ZC3H7A: variants seen among roughly 807,000 people sequenced by gnomAD.
The protein encoded by ZC3H7A is zinc finger CCCH-type containing 7A.
In ZC3H7A, 44 loss-of-function variants were observed where a neutral mutation model predicts 125.5. That is an observed-to-expected ratio of 0.35 (90% CI 0.28 to 0.45). ZC3H7A has a LOEUF of 0.45. Ranked by LOEUF, ZC3H7A falls within the 20% of genes least tolerant of loss-of-function variation. The probability of loss-of-function intolerance (pLI) is 1.00; values close to 1 mark genes in which losing one functional copy is unlikely to be tolerated. For synonymous variants in ZC3H7A, 399 were observed against 391.2 expected, an observed-to-expected ratio of 1.02 and a Z score of -0.23; for missense variants, 977 against 1,170.7, an observed-to-expected ratio of 0.83 and a Z score of 2.41.
At chr16:11,769,784 CT>C (rs200241879) in intron 10 of ZC3H7A, among the ~76,000 whole-genome samples, 152 of 61,614 alleles carry the variant, frequency 2.5e-3, no homozygotes, top group Middle Eastern at 0.014. Context: ...CAATTGCTTT[CT>C]TTTTTTTTTT....
At chr16:11,795,812 GT>G (rs1377135677) in intron 1 of ZC3H7A, among the ~76,000 whole-genome samples, 1 of 152,048 alleles carries the variant, frequency 6.6e-6, no homozygotes, top group Non-Finnish European at 1.5e-5. Context: ...ATTAACTTTT[GT>G]TTTTTTATTT....
chr16:11,751,196 GGA>G lies in ZC3H7A; in HGVS notation c.*119_*120del, dbSNP rs2052547700. 9.1e-7 allele frequency: 1 copy of G among 1,100,358 alleles called. No homozygotes were observed. The highest frequency in any genetic ancestry group is 1.3e-6 in the Non-Finnish European group (1 of 794,930). The allele number at this position is 1,100,358 out of a possible 1,614,324, so 68.2% of individuals were successfully genotyped here. A position where few individuals can be genotyped will look rare whatever the true frequency, so the allele number is the denominator to read the frequency against. ...CCTACCTACTGTGGGTTGCTGCTCA[GGA>G]GGAACGATATACGCCAATACAAGCA... On this transcript the variant is annotated 3_prime_UTR_variant, in exon 23 of 23. Transcript: ENST00000355758.
At chr16:11,759,879 A>G (rs2270290) in intron 19 of ZC3H7A, 91,234 of 152,124 alleles carry the variant, frequency 0.6, 28,594 homozygotes, top group East Asian at 0.84. Context: ...TTGGGAGGCC[A>G]AGGCGGGTGG....
intron 15 of ZC3H7A, among the ~76,000 whole-genome samples, chr16:11,764,296 C>G (rs1376433590): frequency 1.3e-5 from 2 of 152,118 alleles, no homozygotes; most frequent in African/African-American, 4.8e-5. Context: ...CTCCTATAAT[C>G]CCAGCACTTT....
At chr16:11,768,190 A>C in intron 12 of ZC3H7A, 125 bp downstream of exon 12, 1 of 994,856 alleles carries the variant, frequency 1.0e-6, no homozygotes, top group Non-Finnish European at 1.4e-6. Context: ...TTTAGGAAGA[A>C]TTCAAAATAG....
intron 9 of ZC3H7A, among the ~76,000 whole-genome samples, chr16:11,772,827 G>A (rs2053009391): frequency 6.6e-6 from 1 of 151,510 alleles, no homozygotes; most frequent in Non-Finnish European, 1.5e-5. Context: ...CACCCAAGTA[G>A]CTGCGATTAC....
intron 4 of ZC3H7A, 98 bp from the exon 5 acceptor site, chr16:11,777,007 T>C (rs78968205): frequency 0.065 from 60,773 of 940,400 alleles, 2,342 homozygotes; most frequent in African/African-American, 0.13. Context: ...CCCCATCCTA[T>C]TACCCTCCCT....
At chr16:11,770,519 A>G (rs1006347120) in intron 10 of ZC3H7A, among the ~76,000 whole-genome samples, 2 of 152,192 alleles carry the variant, frequency 1.3e-5, no homozygotes, top group Non-Finnish European at 2.9e-5. Flanking sequence ...CCCCAAAACA[A>G]TAAACTCCCA....
chr16:11,764,779 G>C (rs2052826374), intron 15 of ZC3H7A, among the ~76,000 whole-genome samples: 1 of 151,932 alleles, frequency 6.6e-6, no homozygotes, highest in African/African-American at 2.4e-5. Flanking sequence ...TAATTGGGGG[G>C]GGTACTTATA....
chr16:11,757,879 T>C (rs1349436713), intron 20 of ZC3H7A, among the ~76,000 whole-genome samples: 1 of 152,188 alleles, frequency 6.6e-6, no homozygotes, highest in African/African-American at 2.4e-5. Flanking sequence ...TTACTTAAGA[T>C]TAAAGAATAA....
chr16:11,790,664 C>G (rs890605477), intron 1 of ZC3H7A, among the ~76,000 whole-genome samples: 2 of 152,034 alleles, frequency 1.3e-5, no homozygotes, highest in Non-Finnish European at 2.9e-5. Flanking sequence ...CTCAGCCTCC[C>G]GAGTAGCTGT....
intron 12 of ZC3H7A, 93 bp from the exon 13 acceptor site, chr16:11,767,671 T>A (rs965291741): frequency 2.4e-6 from 3 of 1,242,078 alleles, no homozygotes; most frequent in Middle Eastern, 2.2e-4. Context: ...CAGATGAACA[T>A]CAATTATTAA....
At chr16:11,771,699 C>A (rs2052985840) in intron 9 of ZC3H7A, among the ~76,000 whole-genome samples, 1 of 151,904 alleles carries the variant, frequency 6.6e-6, no homozygotes, top group African/African-American at 2.4e-5. Context: ...TGGGGTTTTG[C>A]CATGTTGGCC....
intron 10 of ZC3H7A, 51 bp downstream of exon 10, chr16:11,770,732 C>G: frequency 6.6e-7 from 1 of 1,515,864 alleles, no homozygotes; most frequent in Non-Finnish European, 9.0e-7. Context: ...CAAACATTTT[C>G]ATTTTGAGAA....
At chr16:11,770,415 G>GCATTCTAAATAC (rs1567382032) in intron 10 of ZC3H7A, among the ~76,000 whole-genome samples, 10 of 152,124 alleles carry the variant, frequency 6.6e-5, no homozygotes, top group Non-Finnish European at 1.3e-4. Context: ...TCTTAAATTA[G>GCATTCTAAATAC]TGTTTGCCTA....
chr16:11,770,752 C>T (rs1371631181), intron 10 of ZC3H7A, 31 bp downstream of exon 10: 2 of 1,568,024 alleles, frequency 1.3e-6, no homozygotes, highest in African/African-American at 1.4e-5. Flanking sequence ...AAATCAACTG[C>T]AATTGTTTAC....
chr16:11,769,788 T>C (rs1301808302), intron 10 of ZC3H7A, among the ~76,000 whole-genome samples: 36 of 67,340 alleles, frequency 5.3e-4, no homozygotes, highest in Non-Finnish European at 9.1e-4. Flanking sequence ...TGCTTTCTTT[T>C]TTTTTTTTTT....
intron 9 of ZC3H7A, among the ~76,000 whole-genome samples, chr16:11,772,700 CT>C (rs397856219): frequency 0.015 from 2,086 of 141,190 alleles, 36 homozygotes; most frequent in African/African-American, 0.041. Flanking sequence ...TCAGAGAAGT[CT>C]TTTTTTTTTT....
chr16:11,777,387 A>AT (rs1453992406), intron 4 of ZC3H7A, among the ~76,000 whole-genome samples: 1 of 152,224 alleles, frequency 6.6e-6, no homozygotes, highest in African/African-American at 2.4e-5. Flanking sequence ...TTTTTCTTAA[A>AT]TTCATGGTTA....
Sources: gnomAD v4.1 joint callset for allele counts (sites outside exome capture counted in the v4.1 genomes callset) on GRCh38, gnomAD v4.1.1 for gene constraint, MANE v1.5 for transcripts, NCBI Gene and HGNC (gene_info 2026-07-23, HGNC 2026-07-21) for gene names.